Variants in KRT7 observed in about 807,000 individuals in gnomAD.
The protein encoded by KRT7 is keratin, type II cytoskeletal 7.
In KRT7, 50 loss-of-function variants were observed where a neutral mutation model predicts 42.8. That is an observed-to-expected ratio of 1.17 (90% CI 0.93 to 1.48). The LOEUF is 1.48. Among genes scored for constraint, KRT7 ranks in the 40% most tolerant of loss-of-function variants. KRT7 has a pLI of 0.00. For synonymous variants in KRT7, 268 were observed against 266.3 expected, an observed-to-expected ratio of 1.01 and a Z score of -0.06; for missense variants, 588 against 637.6, an observed-to-expected ratio of 0.92 and a Z score of 0.84.
At chr12:52,242,799 G>A (rs1425069955) in intron 5 of KRT7, among the ~76,000 whole-genome samples, 1 of 152,152 alleles carries the variant, frequency 6.6e-6, no homozygotes, top group East Asian at 1.9e-4. Context: ...TGGGACTGCG[G>A]AGCCTTGTCT....
rs1011628077 is a variant in KRT7 at position 52,238,675 on chromosome 12, C to G, written c.598-5C>G. The G allele has an allele frequency of 1.8e-5, 29 of 1,607,436 alleles. No individual in the cohort carries two copies. The highest frequency in any genetic ancestry group is 2.4e-5 in the Non-Finnish European group (28 of 1,174,022). Reference sequence around the variant, plus strand: ...CCCTCTGCCCCATCTTGCCCCAACCCCCAGGATGTGGATGCTGCCTACATG... The same window carrying G: ...CCCTCTGCCCCATCTTGCCCCAACCGCCAGGATGTGGATGCTGCCTACATG... On this transcript the variant is annotated splice_region_variant and splice_polypyrimidine_tract_variant and intron_variant, in intron 3 of 8. Transcript: ENST00000331817.
At chr12:52,254,323 G>T (rs1219229692), downstream of KRT7, 1 of 971,110 alleles carries the variant, frequency 1.0e-6, no homozygotes, top group Non-Finnish European at 1.6e-6. Flanking sequence ...CCTCCACGTT[G>T]GCCTCTAGGT....
chr12:52,247,169 CCA>C (rs1014409174), intron 7 of KRT7: 1 of 151,890 alleles, frequency 6.6e-6, no homozygotes, highest in Non-Finnish European at 1.5e-5. Context: ...CAAAAAAACC[CCA>C]CTTACTTAGA....
intron 6 of KRT7, among the ~76,000 whole-genome samples, chr12:52,243,832 G>A (rs1004865896): frequency 6.6e-6 from 1 of 152,252 alleles, no homozygotes; most frequent in East Asian, 1.9e-4. Flanking sequence ...TATTCATTAA[G>A]TGATTGATGG....
chr12:52,233,555 G>T lies in KRT7; in HGVS notation c.259G>T (p.Val87Leu). 1 of 1,613,180 alleles carries T rather than the reference G, an allele frequency of 6.2e-7. No homozygotes were observed. The highest frequency in any genetic ancestry group is 8.5e-7 in the Non-Finnish European group (1 of 1,179,800). Residue 87 changes from valine (V) to leucine (L), a missense_variant, in exon 1 of 9, where the codon GTG becomes TTG. Coordinates refer to ENST00000331817, the MANE Select transcript of KRT7 (RefSeq NM_005556.4). ...RLDADPSLQR[V>L]RQEESEQIKT... is the part of the protein sequence containing the mutation. The stretch of plus-strand genomic sequence containing the variant: ...GGACGCCGACCCCTCCCTCCAGCGG[G>T]TGCGCCAGGAGGAGAGCGAGCAGAT...
intron 4 of KRT7, among the ~76,000 whole-genome samples, chr12:52,240,995 A>G (rs575967451): frequency 6.7e-6 from 1 of 150,302 alleles, no homozygotes; most frequent in African/African-American, 2.5e-5. Context: ...TCATTGTTCA[A>G]TTCCCACCTA....
chr12:52,250,542 T>G, downstream of KRT7: 1 of 1,125,118 alleles, frequency 8.9e-7, no homozygotes, highest in Non-Finnish European at 1.3e-6. Flanking sequence ...CACCGCCACG[T>G]TCCCGCTGCA....
chr12:52,244,265 A>G (rs1324645460), intron 6 of KRT7: 1 of 957,528 alleles, frequency 1.0e-6, no homozygotes, highest in African/African-American at 1.8e-5. Context: ...GAGTCACCCC[A>G]TGAAGTGGGC....
At chr12:52,245,133 C>CA (rs914015152) in intron 6 of KRT7, 2 of 542,138 alleles carry the variant, frequency 3.7e-6, no homozygotes, top group East Asian at 3.2e-5. Flanking sequence ...ATTTCATCCT[C>CA]AAAATCTCCT....
At chr12:52,236,493 T>C (rs1023088832) in intron 2 of KRT7, among the ~76,000 whole-genome samples, 1 of 152,134 alleles carries the variant, frequency 6.6e-6, no homozygotes, top group African/African-American at 2.4e-5. Flanking sequence ...TGTGTGCAGC[T>C]GCTCAGGGAG....
chr12:52,251,855 C>T, downstream of KRT7: 1 of 373,698 alleles, frequency 2.7e-6, no homozygotes, highest in Admixed American at 3.7e-5. Flanking sequence ...CCGCTTCCTT[C>T]AAGTATTGCC....
chr12:52,242,162 G>T (rs555424846), intron 5 of KRT7, among the ~76,000 whole-genome samples: 9 of 151,986 alleles, frequency 5.9e-5, no homozygotes, highest in African/African-American at 2.2e-4. Context: ...GAGTAGAGAC[G>T]AGGTTTCACC....
chr12:52,248,927 C>T (rs1942222868), downstream of KRT7: 2 of 570,974 alleles, frequency 3.5e-6, no homozygotes, highest in Non-Finnish European at 5.5e-6. Context: ...ATCCACGTGC[C>T]TGGTATCCTG....
At chr12:52,242,601 T>G (rs1942108850) in intron 5 of KRT7, among the ~76,000 whole-genome samples, 1 of 152,128 alleles carries the variant, frequency 6.6e-6, no homozygotes, top group Admixed American at 6.5e-5. Flanking sequence ...AAGACCTGGG[T>G]TCAGGCCCTC....
At chr12:52,241,350 C>T (rs1565719350) in intron 4 of KRT7, 122 bp from the exon 5 acceptor site, 1 of 838,166 alleles carries the variant, frequency 1.2e-6, no homozygotes, top group Non-Finnish European at 1.9e-6. Flanking sequence ...CCCTTGCTGC[C>T]TGGTGACTCA....
rs548717820 is a variant in KRT7 at position 52,248,817 on chromosome 12, C to T, written c.*57C>T. The stretch of plus-strand genomic sequence containing the variant: ...CCACCCACAATCACAAGAAGATTCC[C>T]ACCCCTGCCTCCCATGCCTGGTCCC... On this transcript the variant is annotated 3_prime_UTR_variant, in exon 9 of 9. Coordinates refer to ENST00000331817, the MANE Select transcript of KRT7 (RefSeq NM_005556.4). The T allele has an allele frequency of 3.4e-5, 50 of 1,452,464 alleles. No individual in the cohort carries two copies. In the South Asian group the frequency reaches 5.2e-4, roughly 15 times the overall value. The allele number at this position is 1,452,464 out of a possible 1,614,324, so 90.0% of individuals were successfully genotyped here.
chr12:52,243,685 A>G (rs1286387783), intron 6 of KRT7: 1 of 152,376 alleles, frequency 6.6e-6, no homozygotes, highest in African/African-American at 2.4e-5. Context: ...AGCTCTGTCC[A>G]TGGTTGTTGT....
Position 52,244,816 on chromosome 12 carries a change from G to A in KRT7, c.985-596G>A, listed in dbSNP as rs375707324. Among the ~76,000 whole-genome samples, 10 of 152,280 alleles carry A rather than the reference G, an allele frequency of 6.6e-5. No individual in the cohort carries two copies. The East Asian group carries it at 1.5e-3, about 24-fold the overall frequency. ...GCATCCCTGACCAAACCCGGGGACT[G>A]TGAGTCATGCATCTCATGGCATCTG... On this transcript the variant is annotated intron_variant, in intron 6 of 8. Transcript: ENST00000331817.
chr12:52,245,003 G>A (rs980631122), intron 6 of KRT7: 3 of 200,736 alleles, frequency 1.5e-5, no homozygotes, highest in Non-Finnish European at 3.0e-5. Context: ...TGGGGGCTGG[G>A]GCTGGGGGAC....
Sources: allele counts gnomAD v4.1 joint callset (sites outside exome capture counted in the v4.1 genomes callset), GRCh38; gene constraint gnomAD v4.1.1; transcripts MANE v1.5; gene names NCBI Gene and HGNC (gene_info 2026-07-23, HGNC 2026-07-21).